Variants in KCNIP4 observed in about 807,000 individuals in gnomAD.
The protein encoded by KCNIP4 is potassium voltage-gated channel interacting protein 4.
KCNIP4 carries 12 observed loss-of-function variants against 34.0 expected under a neutral mutation model. That is an observed-to-expected ratio of 0.35 (90% CI 0.23 to 0.57). The LOEUF is 0.57. Among genes scored for constraint, KCNIP4 ranks in the 20% least tolerant of loss-of-function variants. The probability of loss-of-function intolerance (pLI) is 0.83; values close to 1 mark genes in which losing one functional copy is unlikely to be tolerated. For synonymous variants in KCNIP4, 124 were observed against 102.2 expected, an observed-to-expected ratio of 1.21 and a Z score of -1.29; for missense variants, 238 against 311.7, an observed-to-expected ratio of 0.76 and a Z score of 1.78.
chr4:21,453,634 C>G (rs11942476), intron 1 of KCNIP4, among the ~76,000 whole-genome samples: 17,716 of 152,128 alleles, frequency 0.12, 1,220 homozygotes, highest in Non-Finnish European at 0.16. Flanking sequence ...CTATGATTAT[C>G]CACATGACAC....
At chr4:21,256,907 A>T (rs775289070) in intron 1 of KCNIP4, among the ~76,000 whole-genome samples, 14 of 152,256 alleles carry the variant, frequency 9.2e-5, no homozygotes, top group Non-Finnish European at 1.8e-4. Context: ...TGGTTGCTGA[A>T]TGTGCTTTCT....
At chr4:21,602,047 T>C (rs186786776) in intron 1 of KCNIP4, among the ~76,000 whole-genome samples, 36 of 152,276 alleles carry the variant, frequency 2.4e-4, no homozygotes, top group Admixed American at 9.8e-4. Flanking sequence ...AGGACACCAT[T>C]TCAATAAGCA....
chr4:21,737,838 A>T (rs1716095667), intron 1 of KCNIP4, among the ~76,000 whole-genome samples: 1 of 152,070 alleles, frequency 6.6e-6, no homozygotes, highest in African/African-American at 2.4e-5. Flanking sequence ...TAATCCTAGC[A>T]CTTTGGGAGG....
intron 1 of KCNIP4, among the ~76,000 whole-genome samples, chr4:21,427,314 T>TAA (rs5856634): frequency 3.5e-5 from 5 of 144,600 alleles, no homozygotes; most frequent in Admixed American, 6.9e-5. Context: ...AATAAATATG[T>TAA]AAAAAAAAAA....
chr4:21,508,808 C>A (rs1734071762), intron 1 of KCNIP4, among the ~76,000 whole-genome samples: 1 of 152,140 alleles, frequency 6.6e-6, no homozygotes, highest in South Asian at 2.1e-4. Context: ...GCCTCTAATG[C>A]ATTGTTGTGA....
chr4:21,930,153 T>C (rs1729483312), intron 1 of KCNIP4, among the ~76,000 whole-genome samples: 3 of 152,160 alleles, frequency 2.0e-5, no homozygotes, highest in African/African-American at 4.8e-5. Flanking sequence ...AACCTCAATA[T>C]GTACTAAAGC....
intron 1 of KCNIP4, among the ~76,000 whole-genome samples, chr4:21,512,888 C>A (rs1247039339): frequency 6.6e-6 from 1 of 152,190 alleles, no homozygotes; most frequent in African/African-American, 2.4e-5. Flanking sequence ...CTTTATTAAA[C>A]AATGAACACA....
intron 1 of KCNIP4, among the ~76,000 whole-genome samples, chr4:21,591,077 T>A (rs920027152): frequency 1.3e-5 from 2 of 151,764 alleles, no homozygotes; most frequent in African/African-American, 2.4e-5. Context: ...CTAAAAAAAA[T>A]TGACAATATT....
intron 1 of KCNIP4, among the ~76,000 whole-genome samples, chr4:21,711,345 A>G (rs1204486123): frequency 6.6e-6 from 1 of 152,050 alleles, no homozygotes; most frequent in Admixed American, 6.5e-5. Flanking sequence ...GGTGACATGC[A>G]CCTATAGTCC....
chr4:21,049,573 T>A (rs1742753748), intron 1 of KCNIP4, among the ~76,000 whole-genome samples: 1 of 152,200 alleles, frequency 6.6e-6, no homozygotes, highest in Non-Finnish European at 1.5e-5. Context: ...TTCTGTGAAG[T>A]CTTTACCCTC....
At chr4:21,017,162 G>A (rs557618492) in intron 1 of KCNIP4, among the ~76,000 whole-genome samples, 7 of 152,212 alleles carry the variant, frequency 4.6e-5, no homozygotes, top group African/African-American at 1.7e-4. Flanking sequence ...TTCATCCAAA[G>A]CAATACTGTC....
chr4:21,356,803 T>A lies in KCNIP4; in HGVS notation c.62-474094A>T, dbSNP rs187641601. Among the ~76,000 whole-genome samples the A allele has an allele frequency of 2.5e-3, 387 of 152,192 alleles. 1 individual carries two copies. Among genetic ancestry groups the A allele is most frequent in the African/African-American group, 9.0e-3 (373 of 41,536 alleles). ...GCTACCAATGACTTTCTTCACAGAA[T>A]TGGAAAAAACTACTTTAAAGTTCAC... On this transcript the variant is annotated intron_variant, in intron 1 of 8. Coordinates refer to ENST00000382152, the MANE Select transcript of KCNIP4 (RefSeq NM_025221.6).
At chr4:20,939,424 A>C (rs1034651214) in intron 1 of KCNIP4, among the ~76,000 whole-genome samples, 1 of 152,018 alleles carries the variant, frequency 6.6e-6, no homozygotes, top group African/African-American at 2.4e-5. Flanking sequence ...GCCAGGCTGG[A>C]GTGCAGTGGT....
intron 1 of KCNIP4, among the ~76,000 whole-genome samples, chr4:21,746,019 G>A (rs946654944): frequency 9.9e-5 from 15 of 152,166 alleles, no homozygotes; most frequent in East Asian, 3.9e-4. Flanking sequence ...AGATATTAGC[G>A]GGTTTGGTTT....
intron 1 of KCNIP4, among the ~76,000 whole-genome samples, chr4:21,133,066 T>G (rs1751207407): frequency 6.6e-6 from 1 of 152,022 alleles, no homozygotes; most frequent in African/African-American, 2.4e-5. Context: ...ATAATCCCTT[T>G]TAGGGAAGGG....
At chr4:21,843,638 C>T (rs914809774) in intron 1 of KCNIP4, 1 of 151,996 alleles carries the variant, frequency 6.6e-6, no homozygotes, top group African/African-American at 2.4e-5. Flanking sequence ...AAGTTCTCCC[C>T]AGTTTATTTC....
At chr4:21,125,869 A>G (rs548889962) in intron 1 of KCNIP4, among the ~76,000 whole-genome samples, 1 of 152,230 alleles carries the variant, frequency 6.6e-6, no homozygotes, top group Admixed American at 6.5e-5. Flanking sequence ...GGAGCACACT[A>G]TAACCTTTTT....
chr4:21,234,302 CAT>C lies in KCNIP4; in HGVS notation c.62-351595_62-351594del, dbSNP rs1213974758. The stretch of plus-strand genomic sequence containing the variant: ...TATATATAACATATATTATATATAA[CAT>C]ATATAACATATATATAACATATATA... On this transcript the variant is annotated intron_variant, in intron 1 of 8. Coordinates refer to ENST00000382152, the MANE Select transcript of KCNIP4 (RefSeq NM_025221.6). 3.3e-5 allele frequency among the ~76,000 whole-genome samples: 3 copies of C among 91,382 alleles called. No homozygotes were observed. The East Asian group carries it at 8.9e-4, about 27-fold the overall frequency. The allele number at this position is 91,382 out of a possible 152,430, so 60.0% of individuals were successfully genotyped here.
intron 1 of KCNIP4, chr4:21,851,953 T>C (rs987489652): frequency 6.6e-6 from 1 of 151,930 alleles, no homozygotes; most frequent in African/African-American, 2.4e-5. Context: ...ACCCTCTTAG[T>C]ATAAGAAGTC....
Sources: allele counts gnomAD v4.1 joint callset (sites outside exome capture counted in the v4.1 genomes callset), GRCh38; gene constraint gnomAD v4.1.1; transcripts MANE v1.5; gene names NCBI Gene and HGNC (gene_info 2026-07-23, HGNC 2026-07-21).